Variants in LRRC28 observed in about 807,000 individuals in gnomAD.
LRRC28 encodes leucine rich repeat containing 28, also known as leucine-rich repeat-containing protein 28.
LRRC28 carries 39 observed loss-of-function variants against 45.7 expected under a neutral mutation model. The observed-to-expected ratio is 0.85, with a 90% CI of 0.66 to 1.12. The LOEUF (loss-of-function observed/expected upper bound fraction) is 1.12. Among genes scored for constraint, LRRC28 ranks in the 50% most tolerant of loss-of-function variants. The probability of loss-of-function intolerance (pLI) is 0.00; values close to 1 mark genes in which losing one functional copy is unlikely to be tolerated. For missense variants in LRRC28, 435 were observed against 438.5 expected, an observed-to-expected ratio of 0.99 and a Z score of 0.07; for synonymous variants, 206 against 178.8, an observed-to-expected ratio of 1.15 and a Z score of -1.22.
rs535946522 is a variant in LRRC28 at position 99,363,891 on chromosome 15, G to A, written c.1031+626G>A. On this transcript the variant is annotated intron_variant, in intron 9 of 9. Coordinates refer to ENST00000301981, the MANE Select transcript of LRRC28 (RefSeq NM_144598.5). ...CCCACTTGCACAACCTTAGTTTATG[G>A]GCTTCCTAAATTTAGGAAACTAAAT... 3.3e-5 allele frequency among the ~76,000 whole-genome samples: 5 copies of A among 152,018 alleles called. No homozygotes were observed. The South Asian group carries it at 1.0e-3, about 32-fold the overall frequency.
chr15:99,317,467 A>G (rs1237771269), intron 5 of LRRC28: 3 of 152,218 alleles, frequency 2.0e-5, no homozygotes, highest in Non-Finnish European at 4.4e-5. Flanking sequence ...TTAATAGACC[A>G]TGAGAACATT....
At chr15:99,316,483 G>A (rs1597327994) in intron 5 of LRRC28, among the ~76,000 whole-genome samples, 1 of 152,204 alleles carries the variant, frequency 6.6e-6, no homozygotes, top group East Asian at 1.9e-4. Context: ...TAGGGAATTA[G>A]GGAATAAGGA....
In LRRC28 at chr15:99,386,310, T is replaced by C. The variant is rs540793475; in HGVS notation, c.*208T>C. Reference sequence around the variant, plus strand: ...CCAAATTAAGGACCCATTTGTCTTCTGTGTTTTTCCTTTTTATGTGAGTGT... The same window carrying C: ...CCAAATTAAGGACCCATTTGTCTTCCGTGTTTTTCCTTTTTATGTGAGTGT... On this transcript the variant is annotated 3_prime_UTR_variant, in exon 10 of 10. Transcript: ENST00000301981. The C allele has an allele frequency of 2.0e-4, 99 of 507,140 alleles. No homozygotes were observed. Among genetic ancestry groups the C allele is most frequent in the African/African-American group, 1.8e-3 (96 of 52,310 alleles). 31.4% of individuals were successfully genotyped at this position (507,140 alleles called of 1,614,324 possible). A position where few individuals can be genotyped will look rare whatever the true frequency, so the allele number is the denominator to read the frequency against.
chr15:99,363,271 C>T lies in LRRC28; in HGVS notation c.1031+6C>T, dbSNP rs147598945. On this transcript the variant is annotated splice_donor_region_variant and intron_variant, in intron 9 of 9. Transcript: ENST00000301981. ...ATGGCAGGGCTGCACCAGTGGTAATCATGCCTAAGTGGGCACCAGGGTTTA... is the reference window on the plus strand; with the variant it reads ...ATGGCAGGGCTGCACCAGTGGTAATTATGCCTAAGTGGGCACCAGGGTTTA... 1.6e-4 allele frequency: 252 copies of T among 1,613,688 alleles called. 1 individual carries two copies. In the East Asian group the frequency reaches 4.5e-3, roughly 29 times the overall value.
Position 99,259,152 on chromosome 15 carries a change from A to G in LRRC28, c.168+3027A>G, listed in dbSNP as rs1187966919. The G allele has an allele frequency of 5.4e-6, 7 of 1,308,006 alleles. No homozygotes were observed. The African/African-American group carries it at 8.7e-5, about 16-fold the overall frequency. The allele number at this position is 1,308,006 out of a possible 1,614,324, so 81.0% of individuals were successfully genotyped here. ...TGTCTTGCTAAACTTCTTAGGTTCCAGTCTTCTCATCATCCAGCTGACATT... is the reference window on the plus strand; with the variant it reads ...TGTCTTGCTAAACTTCTTAGGTTCCGGTCTTCTCATCATCCAGCTGACATT... On this transcript the variant is annotated intron_variant, in intron 2 of 9. Coordinates refer to ENST00000301981, the MANE Select transcript of LRRC28 (RefSeq NM_144598.5).
At chr15:99,326,851 TTTC>T (rs1955995514) in intron 5 of LRRC28, among the ~76,000 whole-genome samples, 2 of 152,348 alleles carry the variant, frequency 1.3e-5, no homozygotes, top group African/African-American at 4.8e-5. Flanking sequence ...GGTCTGTAGA[TTTC>T]TTATGATGTT....
At chr15:99,308,254 C>T (rs994179312) in intron 5 of LRRC28, among the ~76,000 whole-genome samples, 6 of 152,082 alleles carry the variant, frequency 3.9e-5, no homozygotes, top group Non-Finnish European at 5.9e-5. Flanking sequence ...AAGGTAGAAT[C>T]GAGACAATGC....
At chr15:99,351,181 A>G (rs943361642) in intron 6 of LRRC28, among the ~76,000 whole-genome samples, 2 of 152,102 alleles carry the variant, frequency 1.3e-5, no homozygotes, top group African/African-American at 4.8e-5. Flanking sequence ...CTGTGACAAT[A>G]AAGACAAATA....
At chr15:99,294,072 T>TA (rs2082203586) in intron 5 of LRRC28, among the ~76,000 whole-genome samples, 1 of 152,226 alleles carries the variant, frequency 6.6e-6, no homozygotes, top group Non-Finnish European at 1.5e-5. Context: ...TGTTACCCTG[T>TA]ATCCTTTTCT....
At chr15:99,385,760 T>C (rs915793577) in intron 9 of LRRC28, among the ~76,000 whole-genome samples, 2 of 151,876 alleles carry the variant, frequency 1.3e-5, no homozygotes, top group East Asian at 1.9e-4. Flanking sequence ...TTTTTTTTTT[T>C]CTTAGTTTCT....
At chr15:99,330,078 T>TA (rs1344922290) in intron 5 of LRRC28, among the ~76,000 whole-genome samples, 1 of 152,178 alleles carries the variant, frequency 6.6e-6, no homozygotes, top group African/African-American at 2.4e-5. Context: ...ATGTCTTTTT[T>TA]AAAAAAGGAA....
Position 99,256,038 on chromosome 15 carries a change from G to A in LRRC28, c.81G>A (p.Leu27=), listed in dbSNP as rs1471469245. The A allele has an allele frequency of 6.2e-7, 1 of 1,613,842 alleles. No individual in the cohort carries two copies. The highest frequency in any genetic ancestry group is 1.1e-5 in the South Asian group (1 of 91,070). Residue 27 remains leucine (L), a synonymous_variant, in exon 2 of 10, where the codon CTG becomes CTA. Coordinates refer to ENST00000301981, the MANE Select transcript of LRRC28 (RefSeq NM_144598.5). The part of the protein sequence containing the change: ...HKNLFLNYRN[L]HHFPLELLKD... Reference sequence around the variant, plus strand: ...ATTTGTTCTTAAATTATAGGAATCTGCACCATTTTCCATTGGAGTTACTGA... The same window carrying A: ...ATTTGTTCTTAAATTATAGGAATCTACACCATTTTCCATTGGAGTTACTGA...
At chr15:99,313,656 C>T (rs1955495053) in intron 5 of LRRC28, among the ~76,000 whole-genome samples, 1 of 152,128 alleles carries the variant, frequency 6.6e-6, no homozygotes, top group Non-Finnish European at 1.5e-5. Flanking sequence ...TTGCTAGCAA[C>T]TAATTTTCTC....
rs962167310 is a variant in LRRC28, at chr15:99,389,287, A to C, written c.*3185A>C. The stretch of plus-strand genomic sequence containing the variant: ...GAGCATTACGAATTAAAATCTTTAC[A>C]GTCTAGGGGGAAAAAAAGGCTTCAA... On this transcript the variant is annotated 3_prime_UTR_variant, in exon 10 of 10. Transcript: ENST00000301981. The C allele has an allele frequency of 4.6e-5, 7 of 152,260 alleles. No individual in the cohort carries two copies. The highest frequency in any genetic ancestry group is 4.6e-4 in the Admixed American group (7 of 15,302). The allele number at this position is 152,260 out of a possible 1,614,324, so 9.4% of individuals were successfully genotyped here.
intron 1 of LRRC28, among the ~76,000 whole-genome samples, chr15:99,255,279 G>A (rs1448544234): frequency 1.3e-5 from 2 of 151,866 alleles, no homozygotes; most frequent in Non-Finnish European, 2.9e-5. Context: ...GATCACTTGA[G>A]CCCAGGAGTT....
chr15:99,334,230 C>A, intron 6 of LRRC28, 101 bp downstream of exon 6: 1 of 1,311,036 alleles, frequency 7.6e-7, no homozygotes, highest in Non-Finnish European at 1.1e-6. Context: ...TTCTGTTTAT[C>A]TTGACGATTG....
At chr15:99,317,621 T>C (rs1286514396) in intron 5 of LRRC28, 1 of 152,210 alleles carries the variant, frequency 6.6e-6, no homozygotes, top group Non-Finnish European at 1.5e-5. Context: ...AGCTTTCTTT[T>C]GTTTTTTTTA....
intron 2 of LRRC28, 99 bp from the exon 3 acceptor site, chr15:99,276,477 T>G (rs912337491): frequency 1.2e-6 from 1 of 861,260 alleles, no homozygotes; most frequent in Non-Finnish European, 1.7e-6. Flanking sequence ...TTCTCAAAAT[T>G]TACACCCCTC....
chr15:99,352,252 G>T, intron 6 of LRRC28, 117 bp from the exon 7 acceptor site: 1 of 719,372 alleles, frequency 1.4e-6, no homozygotes, highest in African/African-American at 1.8e-5. Context: ...CACTTTTTAT[G>T]GTTTTCTTCC....
Sources: gnomAD v4.1 joint callset for allele counts (sites outside exome capture counted in the v4.1 genomes callset) on GRCh38, gnomAD v4.1.1 for gene constraint, MANE v1.5 for transcripts, NCBI Gene and HGNC (gene_info 2026-07-23, HGNC 2026-07-21) for gene names.